KRT8: variants seen among roughly 807,000 people sequenced by gnomAD.
KRT8 encodes the protein keratin, type II cytoskeletal 8.
A neutral mutation model predicts 43.0 loss-of-function variants in KRT8; 24 were observed. The ratio of observed to expected loss-of-function variants is 0.56; its 90% CI spans 0.40 to 0.78. The LOEUF (loss-of-function observed/expected upper bound fraction) is 0.78, where lower values mean the gene tolerates loss of function less well. Among genes scored for constraint, KRT8 ranks in the 30% least tolerant of loss-of-function variants. KRT8 has a pLI of 0.00. For synonymous variants in KRT8, 214 were observed against 261.2 expected (o/e 0.82, Z 1.74); for missense variants, 492 against 638.4 (o/e 0.77, Z 2.47).
At chr12:52,926,524 G>T in intron 2 of KRT8, 1 of 1,447,744 alleles carries the variant, frequency 6.9e-7, no homozygotes. Flanking sequence ...ACCTCTGCCG[G>T]AAGTGGCCAC....
chr12:52,900,881 C>T (rs1009826807), intron 3 of KRT8, 198 bp from the exon 4 acceptor site: 4 of 640,310 alleles, frequency 6.2e-6, no homozygotes, highest in South Asian at 1.8e-5. Context: ...CTGCAACACA[C>T]CCTCTTCCAC....
At chr12:52,902,780 G>C (rs944694201) in intron 1 of KRT8, among the ~76,000 whole-genome samples, 50 of 152,112 alleles carry the variant, frequency 3.3e-4, no homozygotes, top group Admixed American at 1.4e-3. Context: ...GGGTGGCCAA[G>C]GCAGGCGGAT....
intron 2 of KRT8, among the ~76,000 whole-genome samples, chr12:52,943,460 T>C (rs1193102364): frequency 6.6e-6 from 1 of 152,154 alleles, no homozygotes; most frequent in Non-Finnish European, 1.5e-5. Context: ...CTTCTCCTCT[T>C]TCTCCTCTTC....
upstream of KRT8, among the ~76,000 whole-genome samples, chr12:52,905,290 T>TTCAGTGAA (rs991070952): frequency 6.6e-6 from 1 of 152,048 alleles, no homozygotes; most frequent in Non-Finnish European, 1.5e-5. Flanking sequence ...GAAAAGGCAG[T>TTCAGTGAA]TCAGTGAATA....
rs1043825971 is a variant in KRT8, at chr12:52,904,208, C to G, written c.324+450G>C. Among the ~76,000 whole-genome samples the G allele has an allele frequency of 3.9e-5, 6 of 152,210 alleles. No individual in the cohort carries two copies. In the East Asian group the frequency reaches 9.7e-4, roughly 25 times the overall value. On this transcript the variant is annotated intron_variant, in intron 1 of 7. Coordinates refer to ENST00000692008, the Ensembl canonical transcript of KRT8. ...GGGTAGTGCTGGCGAAGAGGCGAAC[C>G]TGGAGGAGGGTAGTCCCCGAACAGC... is the stretch of plus-strand genomic sequence containing the variant.
At chr12:52,949,524 G>C in exon 2 of KRT8, 1 of 1,613,714 alleles carries the variant, frequency 6.2e-7, no homozygotes, top group Non-Finnish European at 8.5e-7. Context: ...AGCACTTGGA[G>C]AAGAAGGGAC....
intron 1 of KRT8, chr12:52,949,658 T>C (rs1475153870): frequency 7.1e-7 from 1 of 1,403,280 alleles, no homozygotes; most frequent in Admixed American, 1.8e-5. Flanking sequence ...CCTTTGCCTC[T>C]TTCCGTCATT....
At chr12:52,897,703 C>T in intron 7 of KRT8, 85 bp from the exon 8 acceptor site, 1 of 1,575,638 alleles carries the variant, frequency 6.3e-7, no homozygotes, top group Non-Finnish European at 8.6e-7. Context: ...TCATTCCCAA[C>T]ATAGCCCCAG....
intron 2 of KRT8, among the ~76,000 whole-genome samples, chr12:52,932,869 T>TA (rs1325734949): frequency 6.6e-6 from 1 of 152,054 alleles, no homozygotes; most frequent in African/African-American, 2.4e-5. Context: ...CTAGAACTAA[T>TA]AAGAGAATTT....
At chr12:52,913,754 T>TA (rs932739676) in intron 2 of KRT8, among the ~76,000 whole-genome samples, 3 of 152,228 alleles carry the variant, frequency 2.0e-5, no homozygotes, top group African/African-American at 4.8e-5. Flanking sequence ...CATGTGCGTG[T>TA]ACCACCCGTC....
chr12:52,898,887 C>A lies in KRT8; in HGVS notation c.994G>T (p.Glu332Ter). The change falls in exon 6 of 8, where the codon GAG (glutamate) becomes TAG (stop). Residue 332 changes from glutamate to a stop codon, truncating the protein, a stop_gained. Coordinates refer to ENST00000692008, the Ensembl canonical transcript of KRT8. LOFTEE classifies it high-confidence loss of function. The stretch of plus-strand genomic sequence containing the variant: ...TGCTCGGCATCTGCAATGGCGGCCT[C>A]CAGGGAAGCCCTCTGTGGGGTAGGG... The A allele has an allele frequency of 6.2e-7, 1 of 1,613,474 alleles. No homozygotes were observed. The highest frequency in any genetic ancestry group is 8.5e-7 in the Non-Finnish European group (1 of 1,180,026).
chr12:52,904,738 G>A (rs1380444038), exon 1 of KRT8: 2 of 1,612,524 alleles, frequency 1.2e-6, no homozygotes, highest in South Asian at 2.2e-5. Context: ...TGGATGTTGG[G>A]GTCCACCTCC....
At chr12:52,923,511 C>T (rs914193709) in intron 2 of KRT8, among the ~76,000 whole-genome samples, 1 of 152,174 alleles carries the variant, frequency 6.6e-6, no homozygotes, top group African/African-American at 2.4e-5. Flanking sequence ...GCTCTGCCTC[C>T]TGGGTTCACG....
chr12:52,900,523 G>T, intron 4 of KRT8, 65 bp downstream of exon 4: 1 of 1,009,072 alleles, frequency 9.9e-7, no homozygotes, highest in South Asian at 1.3e-5. Context: ...GCCTCTGGTT[G>T]AGTCTCAGGG....
exon 2 of KRT8, chr12:52,902,070 T>C (rs779773507): frequency 2.5e-6 from 4 of 1,597,892 alleles, no homozygotes; most frequent in Non-Finnish European, 3.4e-6. Flanking sequence ...CCAGGAACCG[T>C]ACCTATACGA....
At chr12:52,904,077 A>C (rs150128196) in intron 1 of KRT8, among the ~76,000 whole-genome samples, 1,545 of 151,954 alleles carry the variant, frequency 0.01, 24 homozygotes, top group African/African-American at 0.036. Context: ...GTTTGAACCG[A>C]GACACCCACT....
intron 1 of KRT8, 69 bp downstream of exon 1, chr12:52,904,589 G>A (rs923674616): frequency 2.0e-5 from 28 of 1,424,778 alleles, no homozygotes; most frequent in Non-Finnish European, 2.7e-5. Flanking sequence ...CTGGAGATGT[G>A]CATAGGGACC....
intron 2 of KRT8, among the ~76,000 whole-genome samples, chr12:52,944,875 C>T (rs1268279392): frequency 1.3e-5 from 2 of 152,152 alleles, no homozygotes; most frequent in Non-Finnish European, 2.9e-5. Flanking sequence ...TGCTGAAATT[C>T]CAGAAGTCTT....
chr12:52,948,766 A>T, intron 2 of KRT8: 1 of 407,248 alleles, frequency 2.5e-6, no homozygotes, highest in East Asian at 3.6e-5. Flanking sequence ...CTGAGATTAC[A>T]GGCGTGAGCC....
Sources: gnomAD v4.1 joint callset for allele counts (sites outside exome capture counted in the v4.1 genomes callset) on GRCh38, gnomAD v4.1.1 for gene constraint, MANE v1.5 for transcripts, NCBI Gene and HGNC (gene_info 2026-07-23, HGNC 2026-07-21) for gene names.